B3GALT1: variants seen among roughly 807,000 people sequenced by gnomAD.
The protein encoded by B3GALT1 is beta-1,3-galactosyltransferase 1.
B3GALT1 carries 10 observed loss-of-function variants against 23.2 expected under a neutral mutation model. That is an observed-to-expected ratio of 0.43 (90% CI 0.27 to 0.73). The LOEUF is 0.73. Among genes scored for constraint, B3GALT1 ranks in the 30% least tolerant of loss-of-function variants. The pLI is 0.21. For synonymous variants in B3GALT1, 156 were observed against 141.5 expected (o/e 1.10, Z -0.73); for missense variants, 299 against 405.4 (o/e 0.74, Z 2.25).
intron 1 of B3GALT1, among the ~76,000 whole-genome samples, chr2:167,442,210 C>T (rs1698906016): frequency 6.6e-6 from 1 of 152,042 alleles, no homozygotes; most frequent in Non-Finnish European, 1.5e-5. Context: ...GACATGAACT[C>T]ATCATTTTTT....
intron 3 of B3GALT1, among the ~76,000 whole-genome samples, chr2:167,670,552 A>G (rs1270904975): frequency 6.6e-6 from 1 of 152,226 alleles, no homozygotes; most frequent in Non-Finnish European, 1.5e-5. Flanking sequence ...TTTTCCAGTA[A>G]CAACCCCAAA....
intron 1 of B3GALT1, among the ~76,000 whole-genome samples, chr2:167,345,333 A>G (rs554205994): frequency 3.3e-4 from 50 of 152,224 alleles, no homozygotes; most frequent in African/African-American, 1.1e-3. Context: ...AGCCCAGACT[A>G]TCACAGCATT....
intron 1 of B3GALT1, among the ~76,000 whole-genome samples, chr2:167,439,544 CTTT>C (rs1177541709): frequency 6.6e-6 from 1 of 151,628 alleles, no homozygotes; most frequent in Admixed American, 6.6e-5. Flanking sequence ...GCTTATTTCT[CTTT>C]TTTATTTTAT....
intron 1 of B3GALT1, among the ~76,000 whole-genome samples, chr2:167,393,252 A>G (rs866968732): frequency 1.1e-3 from 168 of 150,996 alleles, no homozygotes; most frequent in African/African-American, 3.8e-3. Flanking sequence ...AAAAAAAAAA[A>G]GAAATGTTTA....
intron 2 of B3GALT1, among the ~76,000 whole-genome samples, chr2:167,612,996 A>G (rs1353100190): frequency 1.3e-5 from 2 of 151,948 alleles, no homozygotes; most frequent in African/African-American, 4.8e-5. Context: ...GTTTTGTTCA[A>G]TGTATCCTAT....
intron 1 of B3GALT1, among the ~76,000 whole-genome samples, chr2:167,461,040 TGGAGGAGGAAG>T (rs1699251561): frequency 6.6e-6 from 1 of 152,150 alleles, no homozygotes; most frequent in Admixed American, 6.5e-5. Flanking sequence ...CCACTTCAGC[TGGAGGAGGAAG>T]GGCTTGCAAC....
chr2:167,334,095 A>G (rs1697018087), intron 1 of B3GALT1, among the ~76,000 whole-genome samples: 2 of 152,192 alleles, frequency 1.3e-5, no homozygotes. Flanking sequence ...AATTTAGAAC[A>G]TGATCCTATA....
At chr2:167,748,752 C>A (rs1687689912) in intron 3 of B3GALT1, among the ~76,000 whole-genome samples, 1 of 152,154 alleles carries the variant, frequency 6.6e-6, no homozygotes, top group Admixed American at 6.5e-5. Flanking sequence ...GTGTTTGAGA[C>A]TTGCTTTTAA....
At chr2:167,462,018 A>G (rs1392170788) in intron 1 of B3GALT1, among the ~76,000 whole-genome samples, 1 of 152,164 alleles carries the variant, frequency 6.6e-6, no homozygotes, top group African/African-American at 2.4e-5. Context: ...ACACCACTTC[A>G]TAGCAGATGT....
intron 3 of B3GALT1, among the ~76,000 whole-genome samples, chr2:167,674,723 C>T (rs889408791): frequency 6.6e-6 from 1 of 151,966 alleles, no homozygotes; most frequent in Non-Finnish European, 1.5e-5. Flanking sequence ...CATGAAGGAC[C>T]AGGGAAGAAA....
chr2:167,842,237 G>A (rs1165484340), intron 4 of B3GALT1, among the ~76,000 whole-genome samples: 2 of 152,184 alleles, frequency 1.3e-5, no homozygotes, highest in Non-Finnish European at 2.9e-5. Flanking sequence ...AAATCCTAGA[G>A]AGAAGTAGCA....
intron 2 of B3GALT1, among the ~76,000 whole-genome samples, chr2:167,591,473 T>C (rs1232430972): frequency 6.6e-6 from 1 of 151,980 alleles, no homozygotes; most frequent in African/African-American, 2.4e-5. Context: ...AATTTATTTA[T>C]TTATTTATTT....
At chr2:167,494,704 TTAATTTTAAAGTAAA>T (rs1699754091) in intron 2 of B3GALT1, among the ~76,000 whole-genome samples, 1 of 152,216 alleles carries the variant, frequency 6.6e-6, no homozygotes, top group Admixed American at 6.5e-5. Context: ...TCATACGTTT[TTAATTTTAAAGTAAA>T]TAATTTTAAA....
chr2:167,530,896 T>G (rs1222518224), intron 2 of B3GALT1, among the ~76,000 whole-genome samples: 1 of 152,206 alleles, frequency 6.6e-6, no homozygotes, highest in Non-Finnish European at 1.5e-5. Context: ...TACAATCTGC[T>G]TAGGTAGATT....
chr2:167,631,518 A>C (rs1410389136), intron 2 of B3GALT1: 2 of 151,866 alleles, frequency 1.3e-5, no homozygotes, highest in Non-Finnish European at 2.9e-5. Flanking sequence ...CTGCTAGACA[A>C]ATTCTAAAAG....
intron 4 of B3GALT1, among the ~76,000 whole-genome samples, chr2:167,867,836 A>G (rs1690264328): frequency 6.6e-6 from 1 of 152,202 alleles, no homozygotes; most frequent in African/African-American, 2.4e-5. Context: ...GAAGTTTTAA[A>G]AGTTCTAGAA....
intron 1 of B3GALT1, among the ~76,000 whole-genome samples, chr2:167,402,201 A>G (rs1698203026): frequency 6.6e-6 from 1 of 152,166 alleles, no homozygotes; most frequent in Non-Finnish European, 1.5e-5. Flanking sequence ...AAGAGAGTTC[A>G]TAAAGGACAA....
At chr2:167,325,702 CTTT>C (rs61066636) in intron 1 of B3GALT1, among the ~76,000 whole-genome samples, 1 of 110,554 alleles carries the variant, frequency 9.0e-6, no homozygotes. Flanking sequence ...ACCCTGTTTT[CTTT>C]TTTTTTTTTT....
intron 1 of B3GALT1, among the ~76,000 whole-genome samples, chr2:167,335,443 A>G (rs1479977157): frequency 6.6e-6 from 1 of 152,192 alleles, no homozygotes; most frequent in Non-Finnish European, 1.5e-5. Context: ...AAAAGAATAA[A>G]TAATGGCTAC....
Sources: allele counts gnomAD v4.1 joint callset (sites outside exome capture counted in the v4.1 genomes callset), GRCh38; gene constraint gnomAD v4.1.1; transcripts MANE v1.5; gene names NCBI Gene and HGNC (gene_info 2026-07-23, HGNC 2026-07-21).